Variants in PIGL observed in about 807,000 individuals in gnomAD.
PIGL encodes phosphatidylinositol glycan anchor biosynthesis class L, also known as N-acetylglucosaminyl-phosphatidylinositol de-N-acetylase.
In PIGL, 22 loss-of-function variants were observed where a neutral mutation model predicts 31.1. The ratio of observed to expected loss-of-function variants is 0.71; its 90% CI spans 0.51 to 1.01. The LOEUF is 1.01. PIGL is among the 50% of genes least tolerant of loss of function. PIGL has a pLI of 0.00. For synonymous variants in PIGL, 131 were observed against 117.4 expected (o/e 1.12, Z -0.75); for missense variants, 302 against 315.9 (o/e 0.96, Z 0.33).
chr17:16,239,464 CAG>C lies in PIGL; in HGVS notation c.335+5397_335+5398del, dbSNP rs1043760929. On this transcript the variant is annotated intron_variant, in intron 2 of 6. Transcript: ENST00000225609. ...CACCACTGCACTCCAGCCTGGGTGA[CAG>C]AGTGAGACTCTGTCTCAAAAAAATA... 1.2e-4 allele frequency among the ~76,000 whole-genome samples: 18 copies of C among 149,716 alleles called. 1 individual carries two copies. Among genetic ancestry groups the C allele is most frequent in the African/African-American group, 4.2e-4 (17 of 40,680 alleles).
intron 2 of PIGL, among the ~76,000 whole-genome samples, chr17:16,296,921 C>T (rs1358431159): frequency 6.6e-6 from 1 of 151,884 alleles, no homozygotes; most frequent in Non-Finnish European, 1.5e-5. Context: ...GGGGTTTCAC[C>T]GTGTTAGCCA....
At chr17:16,279,511 G>T (rs2092908369) in intron 2 of PIGL, 1 of 152,192 alleles carries the variant, frequency 6.6e-6, no homozygotes. Flanking sequence ...TCCTTGAACA[G>T]ATTTATGCAT....
At chr17:16,317,393 T>G in intron 5 of PIGL, 3 of 976,092 alleles carry the variant, frequency 3.1e-6, no homozygotes, top group Non-Finnish European at 3.7e-6. Context: ...CTGAGAGTGG[T>G]TAAGGGACTT....
chr17:16,288,233 T>G (rs1427100152), intron 2 of PIGL, among the ~76,000 whole-genome samples: 1 of 152,190 alleles, frequency 6.6e-6, no homozygotes, highest in Non-Finnish European at 1.5e-5. Context: ...CGAGACGAAG[T>G]CTCACTCTTG....
intron 2 of PIGL, among the ~76,000 whole-genome samples, chr17:16,282,413 T>C (rs971034900): frequency 1.3e-5 from 2 of 152,042 alleles, no homozygotes; most frequent in African/African-American, 2.4e-5. Flanking sequence ...ATTGGTCTGT[T>C]TTTTTTTCAC....
At position 16,235,303 on chromosome 17, in the gene PIGL, AG is replaced by A. The variant is rs374419627; in HGVS notation, c.335+1234del. On this transcript the variant is annotated intron_variant, in intron 2 of 6. Coordinates refer to ENST00000225609, the MANE Select transcript of PIGL (RefSeq NM_004278.4). ...GATTTCGACAAGGACCACACATTAT[AG>A]TTGGTTGATATTCTGCATTTAATTA... 2.5e-3 allele frequency among the ~76,000 whole-genome samples: 380 copies of A among 152,216 alleles called. 1 individual carries two copies. The highest frequency in any genetic ancestry group is 0.01 in the Middle Eastern group (3 of 294).
rs60708474 is a variant in PIGL at position 16,266,388 on chromosome 17, CAAAAAA to C, written c.335+32333_335+32338del. Among the ~76,000 whole-genome samples, 10 of 72,024 alleles carry C rather than the reference CAAAAAA, an allele frequency of 1.4e-4. 1 individual carries two copies. In the Admixed American group the frequency reaches 1.8e-3, roughly 13 times the overall value. 47.3% of individuals were successfully genotyped at this position (72,024 alleles called of 152,430 possible). ...TGGGCAACAGAGCGAGACTCCATCTCAAAAAAAAAAAAAAAAAAAAGAATGAATATC... is the reference window on the plus strand; with the variant it reads ...TGGGCAACAGAGCGAGACTCCATCTCAAAAAAAAAAAAAAGAATGAATATC... On this transcript the variant is annotated intron_variant, in intron 2 of 6. Coordinates refer to ENST00000225609, the MANE Select transcript of PIGL (RefSeq NM_004278.4).
chr17:16,232,389 T>C lies in PIGL; in HGVS notation c.236-1582T>C, dbSNP rs369877027. On this transcript the variant is annotated intron_variant, in intron 1 of 6. Transcript: ENST00000225609. ...GGGTGCACCTGTCTTAGTTGGACAT[T>C]GTTCTAGAATGTATCAGTTAAAAGC... Among the ~76,000 whole-genome samples the C allele has an allele frequency of 5.3e-5, 8 of 152,318 alleles. No homozygotes were observed. In the East Asian group the frequency reaches 1.3e-3, roughly 26 times the overall value.
intron 2 of PIGL, among the ~76,000 whole-genome samples, chr17:16,239,374 A>G (rs34331598): frequency 0.48 from 72,020 of 151,246 alleles, 17,506 homozygotes; most frequent in Middle Eastern, 0.58. Context: ...TCCCAGCTAC[A>G]CAGGAAGCTA....
intron 2 of PIGL, among the ~76,000 whole-genome samples, chr17:16,274,035 C>T (rs192553120): frequency 1.6e-4 from 25 of 152,268 alleles, no homozygotes; most frequent in Admixed American, 1.1e-3. Context: ...ACTCACAGGG[C>T]GTGGTTCAAA....
chr17:16,238,059 G>A (rs1384410632), intron 2 of PIGL, among the ~76,000 whole-genome samples: 1 of 151,744 alleles, frequency 6.6e-6, no homozygotes, highest in African/African-American at 2.4e-5. Context: ...AGTGGGGTGT[G>A]GAGGCACGCG....
chr17:16,267,061 A>G (rs576570141), intron 2 of PIGL, among the ~76,000 whole-genome samples: 1 of 152,318 alleles, frequency 6.6e-6, no homozygotes, highest in Admixed American at 6.5e-5. Context: ...ACTCCCACCA[A>G]TGCAGCTGAA....
chr17:16,269,988 A>G (rs1240392260), intron 2 of PIGL, among the ~76,000 whole-genome samples: 1 of 151,958 alleles, frequency 6.6e-6, no homozygotes, highest in Non-Finnish European at 1.5e-5. Context: ...GCACTCATCT[A>G]TACTTTAAAA....
chr17:16,317,860 G>A lies in PIGL; in HGVS notation c.612G>A (p.Thr204=), dbSNP rs769627167. The A allele has an allele frequency of 7.4e-6, 12 of 1,613,884 alleles. No individual in the cohort carries two copies. Among genetic ancestry groups the A allele is most frequent in the Middle Eastern group, 1.7e-4 (1 of 6,004 alleles). ...ATCTGCCCTTGTCTCTGCTTCATAC[G>A]CAGGATGTCCTCTTCGTGCTCAACA... ...LLDLPLSLLH[T]QDVLFVLNSK... Residue 204 remains threonine (T), a synonymous_variant, in exon 6 of 7, where the codon ACG becomes ACA. Coordinates refer to ENST00000225609, the MANE Select transcript of PIGL (RefSeq NM_004278.4).
chr17:16,319,924 TCA>T (rs961226269), intron 6 of PIGL, among the ~76,000 whole-genome samples: 1 of 151,672 alleles, frequency 6.6e-6, no homozygotes, highest in Non-Finnish European at 1.5e-5. Flanking sequence ...GAATTATTCC[TCA>T]GTTTGTCTCC....
intron 5 of PIGL, chr17:16,317,028 A>G: frequency 8.8e-7 from 1 of 1,132,614 alleles, no homozygotes; most frequent in East Asian, 4.8e-5. Flanking sequence ...CCCCCAACCA[A>G]TTAGGCAGGT....
At chr17:16,311,467 C>CTTTCTTTTTT (rs1555867139) in intron 3 of PIGL, among the ~76,000 whole-genome samples, 2 of 18,976 alleles carry the variant, frequency 1.1e-4, no homozygotes, top group South Asian at 5.0e-3. Flanking sequence ...GGTTTTCTTT[C>CTTTCTTTTTT]TTTTTTTTTT....
At position 16,299,881 on chromosome 17, in the gene PIGL, C is replaced by T; in HGVS notation, c.336-7C>T. The T allele has an allele frequency of 6.2e-7, 1 of 1,609,008 alleles. No homozygotes were observed. The highest frequency in any genetic ancestry group is 8.5e-7 in the Non-Finnish European group (1 of 1,175,366). On this transcript the variant is annotated splice_polypyrimidine_tract_variant and splice_region_variant and intron_variant, in intron 2 of 6. Transcript: ENST00000225609. ...AAAGGTGTTCAAGTTGTGCTTCTCT[C>T]TTGTAGGGATTTCCCAGATGACCCA... is the stretch of plus-strand genomic sequence containing the variant.
chr17:16,254,999 A>G (rs1351152602), intron 2 of PIGL, among the ~76,000 whole-genome samples: 4 of 152,214 alleles, frequency 2.6e-5, no homozygotes, highest in African/African-American at 7.2e-5. Context: ...GAATGATTCC[A>G]TTTGCACCAT....
Sources: gnomAD v4.1 joint callset for allele counts (sites outside exome capture counted in the v4.1 genomes callset) on GRCh38, gnomAD v4.1.1 for gene constraint, MANE v1.5 for transcripts, NCBI Gene and HGNC (gene_info 2026-07-23, HGNC 2026-07-21) for gene names.